The following PLCL2 variants were observed in gnomAD, a reference collection of about 807,000 sequenced individuals.
PLCL2 encodes phospholipase C like 2, also known as inactive phospholipase C-like protein 2.
A neutral mutation model predicts 79.6 loss-of-function variants in PLCL2; 4 were observed. The ratio of observed to expected loss-of-function variants is 0.05; its 90% CI spans 0.02 to 0.11. The LOEUF is 0.11. Ranked by LOEUF, PLCL2 falls within the 10% of genes least tolerant of loss-of-function variation. The pLI, the probability that PLCL2 is intolerant of heterozygous loss-of-function variation, is 1.00. For synonymous variants in PLCL2, 484 were observed against 457.7 expected (o/e 1.06, Z -0.73); for missense variants, 895 against 1,291.0 (o/e 0.69, Z 4.70).
intron 1 of PLCL2, among the ~76,000 whole-genome samples, chr3:16,973,407 G>A (rs190245082): frequency 7.0e-6 from 1 of 143,402 alleles, no homozygotes; most frequent in East Asian, 2.0e-4. Context: ...ACTGTGTCTT[G>A]GGGATGTCAT....
intron 4 of PLCL2, among the ~76,000 whole-genome samples, chr3:17,064,318 C>G (rs2064986058): frequency 6.6e-6 from 1 of 152,166 alleles, no homozygotes. Context: ...CTCATTCTCT[C>G]TCTCTCTCTT....
intron 4 of PLCL2, among the ~76,000 whole-genome samples, chr3:17,053,725 G>A (rs577730173): frequency 8.9e-4 from 136 of 152,214 alleles, no homozygotes; most frequent in African/African-American, 3.0e-3. Flanking sequence ...ATCCCGTTTC[G>A]AAAGGGAGAA....
chr3:16,929,194 G>T (rs1272004601), intron 1 of PLCL2, among the ~76,000 whole-genome samples: 2 of 152,046 alleles, frequency 1.3e-5, no homozygotes, highest in Admixed American at 6.6e-5. Flanking sequence ...TCGTGGGAGA[G>T]AGGGGAGGAG....
chr3:16,946,282 T>C (rs58188132), intron 1 of PLCL2, among the ~76,000 whole-genome samples: 4,335 of 152,150 alleles, frequency 0.028, 226 homozygotes, highest in African/African-American at 0.1. Context: ...CAGTGCTTCA[T>C]TGGGCCTAGC....
In PLCL2 at chr3:17,014,799, G is replaced by T; in HGVS notation, c.2906G>T (p.Gly969Val). 6.2e-7 allele frequency: 1 copy of T among 1,614,066 alleles called. No homozygotes were observed. Among genetic ancestry groups the T allele is most frequent in the Non-Finnish European group, 8.5e-7 (1 of 1,179,982 alleles). Residue 969 changes from glycine (G) to valine (V), a missense_variant, in exon 3 of 6, where the codon GGG becomes GTG. Physicochemically the swap from Gly to Val is moderately radical, Grantham distance 109. Transcript: ENST00000615277. The part of the protein sequence containing the change: ...CMLAVSPRFL[G>V]PDNTPLVVLN... ...TTGGCGGTGTCTCCCCGCTTTCTGG[G>T]GCCCGATAACACACCCCTAGTGGTC...
intron 1 of PLCL2, among the ~76,000 whole-genome samples, chr3:16,979,044 T>A (rs1410129994): frequency 2.0e-5 from 3 of 152,240 alleles, no homozygotes; most frequent in Non-Finnish European, 4.4e-5. Flanking sequence ...TTTTTATTAC[T>A]GTTGTTGCCT....
At chr3:17,073,134 T>C (rs1428217393) in intron 5 of PLCL2, among the ~76,000 whole-genome samples, 1 of 152,190 alleles carries the variant, frequency 6.6e-6, no homozygotes, top group African/African-American at 2.4e-5. Context: ...TAAAATAAAA[T>C]TCACCAATTT....
At chr3:16,889,453 A>G (rs1296683724) in intron 1 of PLCL2, among the ~76,000 whole-genome samples, 2 of 152,228 alleles carry the variant, frequency 1.3e-5, no homozygotes, top group Non-Finnish European at 2.9e-5. Context: ...GGCAGATAAC[A>G]TAGCCAGGAG....
intron 1 of PLCL2, among the ~76,000 whole-genome samples, chr3:16,933,825 T>C (rs919296027): frequency 2.0e-5 from 3 of 152,094 alleles, no homozygotes; most frequent in African/African-American, 4.8e-5. Flanking sequence ...CCCAGCTCTC[T>C]TGGAGGCTGA....
In PLCL2 at chr3:16,885,282, C is replaced by T. The variant is rs1028651362; in HGVS notation, c.243C>T (p.Leu81=). The part of the protein sequence containing the change: ...SPTRGPRGVA[L]APTPSAVVCT... The stretch of plus-strand genomic sequence containing the variant: ...CCAGGGGACCCCGCGGCGTTGCGCT[C>T]GCCCCGACCCCCAGCGCGGTCGTCT... The change falls in exon 1 of 6, where the codon CTC becomes CTT. Residue 81 remains leucine (L), a synonymous_variant. Coordinates refer to ENST00000615277, the MANE Select transcript of PLCL2 (RefSeq NM_001144382.2). 6.1e-6 allele frequency: 4 copies of T among 660,936 alleles called. No individual in the cohort carries two copies. The highest frequency in any genetic ancestry group is 6.2e-5 in the East Asian group (2 of 32,346). The allele number at this position is 660,936 out of a possible 1,614,324, so 40.9% of individuals were successfully genotyped here.
chr3:16,896,704 A>G (rs958578076), intron 1 of PLCL2, among the ~76,000 whole-genome samples: 5 of 152,358 alleles, frequency 3.3e-5, no homozygotes, highest in African/African-American at 1.2e-4. Flanking sequence ...ACTGCTAAGT[A>G]ATAGCATACC....
At chr3:16,910,704 G>T (rs1304272216) in intron 1 of PLCL2, among the ~76,000 whole-genome samples, 1 of 151,742 alleles carries the variant, frequency 6.6e-6, no homozygotes, top group African/African-American at 2.4e-5. Context: ...TGTCCTACTA[G>T]ATTTTTCCAC....
chr3:17,006,899 C>A (rs2064266454), intron 1 of PLCL2, among the ~76,000 whole-genome samples: 1 of 152,102 alleles, frequency 6.6e-6, no homozygotes, highest in Non-Finnish European at 1.5e-5. Flanking sequence ...AAAAAGAAAC[C>A]TGTTTATCTG....
chr3:17,051,337 G>A (rs1000763164), intron 4 of PLCL2, among the ~76,000 whole-genome samples: 2 of 152,088 alleles, frequency 1.3e-5, no homozygotes, highest in Admixed American at 6.5e-5. Context: ...AATGATAAAT[G>A]CTTATTAAGT....
At chr3:16,982,699 A>G (rs1207187376) in intron 1 of PLCL2, among the ~76,000 whole-genome samples, 1 of 152,144 alleles carries the variant, frequency 6.6e-6, no homozygotes, top group African/African-American at 2.4e-5. Flanking sequence ...TTTAAACAGC[A>G]TTGACCGCTC....
chr3:16,993,215 G>A (rs1252327417), intron 1 of PLCL2, among the ~76,000 whole-genome samples: 1 of 152,126 alleles, frequency 6.6e-6, no homozygotes, highest in Non-Finnish European at 1.5e-5. Context: ...GTTTGCCCAG[G>A]GCAGTCCCTG....
intron 5 of PLCL2, among the ~76,000 whole-genome samples, chr3:17,088,577 G>A (rs2065243374): frequency 6.6e-6 from 1 of 152,160 alleles, no homozygotes; most frequent in South Asian, 2.1e-4. Context: ...CAGCAATAGA[G>A]CACCACATCA....
intron 3 of PLCL2, 42 bp from the exon 4 acceptor site, chr3:17,042,832 A>G (rs369710209): frequency 3.2e-5 from 43 of 1,343,686 alleles, no homozygotes; most frequent in Non-Finnish European, 4.3e-5. Flanking sequence ...GAGGGGATCT[A>G]GTTGTCAGGT....
chr3:16,973,667 T>C (rs1171323217), intron 1 of PLCL2, among the ~76,000 whole-genome samples: 1 of 152,232 alleles, frequency 6.6e-6, no homozygotes, highest in Non-Finnish European at 1.5e-5. Flanking sequence ...CTAACTTAAA[T>C]ACCTCTGCTG....
Sources: gnomAD v4.1 joint callset for allele counts (sites outside exome capture counted in the v4.1 genomes callset) on GRCh38, gnomAD v4.1.1 for gene constraint, MANE v1.5 for transcripts, NCBI Gene and HGNC (gene_info 2026-07-23, HGNC 2026-07-21) for gene names.